RAPGEF4: variants seen among roughly 807,000 people sequenced by gnomAD.
The protein encoded by RAPGEF4 is RAP guanine-nucleotide-exchange factor (GEF) 4.
Under a neutral mutation model 147.9 loss-of-function variants are expected in RAPGEF4, and 66 were observed. That is an observed-to-expected ratio of 0.45 (90% CI 0.37 to 0.55). RAPGEF4 has a LOEUF of 0.55. Among genes scored for constraint, RAPGEF4 ranks in the 20% least tolerant of loss-of-function variants. The pLI is 0.00. For synonymous variants in RAPGEF4, 419 were observed against 442.7 expected, an observed-to-expected ratio of 0.95 and a Z score of 0.67; for missense variants, 1,071 against 1,257.3, an observed-to-expected ratio of 0.85 and a Z score of 2.24.
At chr2:172,856,200 G>A (rs1382768686) in intron 4 of RAPGEF4, among the ~76,000 whole-genome samples, 4 of 152,048 alleles carry the variant, frequency 2.6e-5, no homozygotes, top group African/African-American at 9.7e-5. Context: ...CTATCCTTAA[G>A]TTCACTGACA....
intron 27 of RAPGEF4, 77 bp from the exon 28 acceptor site, chr2:173,036,048 G>C (rs1163668543): frequency 9.4e-7 from 1 of 1,068,590 alleles, no homozygotes; most frequent in African/African-American, 1.6e-5. Flanking sequence ...TGGGGTGAAA[G>C]GCAGGTGTAT....
intron 17 of RAPGEF4, among the ~76,000 whole-genome samples, chr2:173,002,899 C>T (rs1403151872): frequency 3.9e-5 from 6 of 152,232 alleles, no homozygotes; most frequent in Non-Finnish European, 1.5e-5. Flanking sequence ...CTCAATTTTT[C>T]TCGAGTAAAA....
intron 6 of RAPGEF4, among the ~76,000 whole-genome samples, chr2:172,947,670 T>A (rs1687809055): frequency 6.6e-6 from 1 of 152,202 alleles, no homozygotes; most frequent in Non-Finnish European, 1.5e-5. Flanking sequence ...ACTCAAATGT[T>A]TTTATAAACT....
At chr2:172,779,583 A>G (rs925723201) in intron 1 of RAPGEF4, among the ~76,000 whole-genome samples, 1 of 152,194 alleles carries the variant, frequency 6.6e-6, no homozygotes, top group Middle Eastern at 3.2e-3. Context: ...CATGGGGGCC[A>G]GGTGATGTGG....
chr2:172,806,111 C>T (rs549660027), intron 3 of RAPGEF4, among the ~76,000 whole-genome samples: 6 of 150,102 alleles, frequency 4.0e-5, no homozygotes, highest in Non-Finnish European at 8.9e-5. Flanking sequence ...TTTTTCTCTG[C>T]AGATTTTTTA....
chr2:172,889,382 G>A (rs1050701745), intron 4 of RAPGEF4, among the ~76,000 whole-genome samples: 1 of 152,098 alleles, frequency 6.6e-6, no homozygotes, highest in Non-Finnish European at 1.5e-5. Flanking sequence ...TCAACAAAGA[G>A]TCGTATTTGC....
At chr2:173,004,248 A>ACT (rs1462963582) in intron 17 of RAPGEF4, among the ~76,000 whole-genome samples, 1 of 151,772 alleles carries the variant, frequency 6.6e-6, no homozygotes, top group African/African-American at 2.4e-5. Context: ...AATGAGAGAG[A>ACT]CTCTCTATTC....
intron 25 of RAPGEF4, among the ~76,000 whole-genome samples, chr2:173,029,762 G>A (rs1418163055): frequency 1.3e-5 from 2 of 152,296 alleles, no homozygotes; most frequent in East Asian, 3.9e-4. Context: ...GCCCTCTCAA[G>A]CTGCCAGAGG....
At chr2:172,898,512 T>C (rs1173136775) in intron 4 of RAPGEF4, among the ~76,000 whole-genome samples, 1 of 152,184 alleles carries the variant, frequency 6.6e-6, no homozygotes, top group African/African-American at 2.4e-5. Flanking sequence ...GGGCAACATC[T>C]TCCGTCATTG....
At chr2:173,005,509 TG>T (rs1486647690) in intron 17 of RAPGEF4, among the ~76,000 whole-genome samples, 8 of 142,736 alleles carry the variant, frequency 5.6e-5, no homozygotes, top group African/African-American at 2.1e-4. Flanking sequence ...TTGTTGTTGT[TG>T]TTGTTTTGTG....
chr2:172,979,398 T>A (rs755820568), intron 10 of RAPGEF4, among the ~76,000 whole-genome samples: 2 of 152,234 alleles, frequency 1.3e-5, no homozygotes, highest in Non-Finnish European at 2.9e-5. Context: ...CCCACCCTGA[T>A]AACAATACCA....
At chr2:172,840,161 T>C (rs1691422812) in intron 4 of RAPGEF4, among the ~76,000 whole-genome samples, 1 of 152,216 alleles carries the variant, frequency 6.6e-6, no homozygotes. Flanking sequence ...ATATGGCTTC[T>C]CTTCCATTAA....
chr2:172,775,237 G>A (rs539885532), intron 1 of RAPGEF4, among the ~76,000 whole-genome samples: 13 of 152,250 alleles, frequency 8.5e-5, no homozygotes, highest in East Asian at 1.9e-4. Context: ...TGGGAGCCCC[G>A]TCTCTAGGTT....
Position 172,735,853 on chromosome 2 carries a change from C to G in RAPGEF4, c.-131C>G. On this transcript the variant is annotated 5_prime_UTR_variant, in exon 1 of 31. Coordinates refer to ENST00000397081, the MANE Select transcript of RAPGEF4 (RefSeq NM_007023.4). The stretch of plus-strand genomic sequence containing the variant: ...GAGCCCGCGGGGAGGGCGGGCCTGT[C>G]GCAGCCGCGCTGGTCGCCAGGCGTC... 2 of 725,966 alleles carry G rather than the reference C, an allele frequency of 2.8e-6. No individual in the cohort carries two copies. The highest frequency in any genetic ancestry group is 3.7e-6 in the Non-Finnish European group (2 of 545,640). 45.0% of individuals were successfully genotyped at this position (725,966 alleles called of 1,614,324 possible).
At chr2:172,755,205 C>A (rs1695658579) in intron 1 of RAPGEF4, among the ~76,000 whole-genome samples, 1 of 151,938 alleles carries the variant, frequency 6.6e-6, no homozygotes, top group East Asian at 1.9e-4. Flanking sequence ...TTCTACTGGC[C>A]CCATACAGAA....
chr2:173,019,907 C>G (rs1239149579), intron 22 of RAPGEF4, among the ~76,000 whole-genome samples: 2 of 152,280 alleles, frequency 1.3e-5, no homozygotes, highest in African/African-American at 4.8e-5. Flanking sequence ...TTTTTTTCTC[C>G]TTGCCTTCTC....
At chr2:173,036,019 G>C in intron 27 of RAPGEF4, 106 bp from the exon 28 acceptor site, 1 of 835,062 alleles carries the variant, frequency 1.2e-6, no homozygotes, top group Non-Finnish European at 2.0e-6. Context: ...GTTGTTCAAA[G>C]GTCAACTGTA....
chr2:172,813,247 A>T (rs147195154), intron 3 of RAPGEF4, among the ~76,000 whole-genome samples: 1 of 152,330 alleles, frequency 6.6e-6, no homozygotes, highest in Non-Finnish European at 1.5e-5. Flanking sequence ...AACTCAGAGG[A>T]TTACCCTTGT....
At chr2:172,967,542 G>A (rs932037748) in intron 10 of RAPGEF4, 98 bp downstream of exon 10, 3 of 1,291,862 alleles carry the variant, frequency 2.3e-6, no homozygotes, top group Middle Eastern at 2.8e-4. Flanking sequence ...CAAAAGCCCT[G>A]GCCATCCCCC....
Sources: gnomAD v4.1 joint callset for allele counts (sites outside exome capture counted in the v4.1 genomes callset) on GRCh38, gnomAD v4.1.1 for gene constraint, MANE v1.5 for transcripts, NCBI Gene and HGNC (gene_info 2026-07-23, HGNC 2026-07-21) for gene names.